Variants in NWD2 observed in about 807,000 individuals in gnomAD.
NWD2 encodes NACHT and WD repeat domain containing 2, also known as NACHT and WD repeat domain-containing protein 2.
In NWD2, 37 loss-of-function variants were observed where a neutral mutation model predicts 132.7. The ratio of observed to expected loss-of-function variants is 0.28; its 90% confidence interval spans 0.21 to 0.37. The LOEUF (loss-of-function observed/expected upper bound fraction) is 0.37, where lower values mean the gene tolerates loss of function less well. Ranked by LOEUF, NWD2 falls within the 10% of genes least tolerant of loss-of-function variation. The probability of loss-of-function intolerance (pLI) is 1.00; values close to 1 mark genes in which losing one functional copy is unlikely to be tolerated. For synonymous variants in NWD2, 705 were observed against 803.0 expected, an observed-to-expected ratio of 0.88 and a Z score of 2.06; for missense variants, 1,592 against 2,122.4, an observed-to-expected ratio of 0.75 and a Z score of 4.91.
intron 2 of NWD2, among the ~76,000 whole-genome samples, chr4:37,328,171 C>A (rs888609073): frequency 6.6e-6 from 1 of 152,162 alleles, no homozygotes; most frequent in Non-Finnish European, 1.5e-5. Context: ...TACTCACTGC[C>A]TTTATCTTCA....
intron 3 of NWD2, among the ~76,000 whole-genome samples, chr4:37,397,051 C>T (rs975410692): frequency 1.1e-4 from 17 of 151,372 alleles, no homozygotes; most frequent in African/African-American, 2.9e-4. Flanking sequence ...AAAAGCGAAG[C>T]AACTCCTCTG....
chr4:37,330,518 T>A (rs181811690), intron 2 of NWD2, among the ~76,000 whole-genome samples: 24 of 152,270 alleles, frequency 1.6e-4, no homozygotes, highest in African/African-American at 4.3e-4. Flanking sequence ...TACCCAGAGA[T>A]ACCATCCACT....
intron 3 of NWD2, 22 bp downstream of exon 3, chr4:37,356,504 C>T: frequency 1.5e-6 from 2 of 1,358,386 alleles, no homozygotes; most frequent in African/African-American, 1.4e-5. Context: ...AAAACTAATG[C>T]TTTATATTAA....
Position 37,439,269 on chromosome 4 carries a change from A to T in NWD2, c.1175A>T (p.Glu392Val), listed in dbSNP as rs1264960537. ...TYASFYEYKC[E>V]SLNIVHNYIL... ...GCCTCCTTCTATGAGTACAAATGTG[A>T]ATCTCTAAACATAGTGCATAACTAC... The change falls in exon 6 of 7, where the codon GAA becomes GTA. Residue 392 changes from glutamate to valine, a missense_variant. Transcript: ENST00000309447. This position sits in a 1 kb window ranked among gnomAD's most constrained non-coding sequence, Gnocchi z 4.5. 6.4e-7 allele frequency: 1 copy of T among 1,551,140 alleles called. No homozygotes were observed. Among genetic ancestry groups the T allele is most frequent in the Non-Finnish European group, 8.7e-7 (1 of 1,146,814 alleles).
At chr4:37,304,588 C>T (rs1718671334) in intron 1 of NWD2, among the ~76,000 whole-genome samples, 1 of 152,176 alleles carries the variant, frequency 6.6e-6, no homozygotes. Flanking sequence ...TGCTCCCATT[C>T]CAAAAGGGAG....
intron 1 of NWD2, among the ~76,000 whole-genome samples, chr4:37,304,250 G>A (rs1221835784): frequency 2.0e-5 from 3 of 152,098 alleles, no homozygotes; most frequent in Non-Finnish European, 4.4e-5. Context: ...ACAGCAAGGG[G>A]GAAGTTTGCC....
chr4:37,374,315 A>C (rs912030260), intron 3 of NWD2, among the ~76,000 whole-genome samples: 2 of 152,224 alleles, frequency 1.3e-5, no homozygotes, highest in African/African-American at 4.8e-5. Context: ...GACCAGAAGC[A>C]GATGCTGATG....
chr4:37,261,989 G>A (rs956562144), intron 1 of NWD2, among the ~76,000 whole-genome samples: 1 of 152,202 alleles, frequency 6.6e-6, no homozygotes, highest in East Asian at 1.9e-4. Context: ...TCAAGGAAGA[G>A]CAAGGTCATT....
intron 3 of NWD2, among the ~76,000 whole-genome samples, chr4:37,407,362 G>T (rs1721066031): frequency 6.6e-6 from 1 of 152,182 alleles, no homozygotes; most frequent in Admixed American, 6.5e-5. Context: ...AACAACATTA[G>T]TACCCAAGGA....
intron 3 of NWD2, among the ~76,000 whole-genome samples, chr4:37,426,015 C>G (rs1025033402): frequency 6.6e-6 from 1 of 152,198 alleles, no homozygotes; most frequent in African/African-American, 2.4e-5. Flanking sequence ...GGTCCATTGA[C>G]CGTATGAGCT....
chr4:37,382,469 C>G (rs746100230), intron 3 of NWD2, among the ~76,000 whole-genome samples: 149 of 152,260 alleles, frequency 9.8e-4, no homozygotes, highest in Non-Finnish European at 1.8e-3. Context: ...TTGACACATT[C>G]CTGCCTTGCA....
In NWD2 at chr4:37,424,785, C is replaced by G. The variant is rs536556411; in HGVS notation, c.358-5787C>G. Among the ~76,000 whole-genome samples the G allele has an allele frequency of 8.5e-4, 130 of 152,278 alleles. 1 individual carries two copies. The highest frequency in any genetic ancestry group is 1.5e-3 in the Non-Finnish European group (103 of 68,030). ...ATCCTCACCTGTCTTTCCTGACATC[C>G]CACCACAGAGTAAAGTCAAAGACAC... On this transcript the variant is annotated intron_variant, in intron 3 of 6. Transcript: ENST00000309447.
Position 37,341,755 on chromosome 4 carries a change from C to T in NWD2, c.241-14611C>T, listed in dbSNP as rs1157885488. 2.6e-5 allele frequency among the ~76,000 whole-genome samples: 4 copies of T among 152,264 alleles called. No individual in the cohort carries two copies. The East Asian group carries it at 7.7e-4, about 29-fold the overall frequency. On this transcript the variant is annotated intron_variant, in intron 2 of 6. Transcript: ENST00000309447. ...GTTCCTCAGATTTTCATCCGTAAAA[C>T]AGAATATTATTAATAGTTTTACCTA...
chr4:37,399,728 C>T (rs1720865352), intron 3 of NWD2, among the ~76,000 whole-genome samples: 5 of 152,212 alleles, frequency 3.3e-5, no homozygotes, highest in Admixed American at 3.3e-4. Flanking sequence ...TTCTTTAAGG[C>T]CTAAACTCTA....
intron 1 of NWD2, among the ~76,000 whole-genome samples, chr4:37,273,498 C>A (rs139304022): frequency 0.15 from 22,076 of 151,986 alleles, 1,725 homozygotes; most frequent in African/African-American, 0.2. Context: ...TTTAACACCC[C>A]ACTGTTAACA....
At chr4:37,416,101 T>G (rs902557974) in intron 3 of NWD2, among the ~76,000 whole-genome samples, 21 of 152,154 alleles carry the variant, frequency 1.4e-4, no homozygotes, top group Non-Finnish European at 2.9e-5. Context: ...TCAGACACAC[T>G]GACTAGGGCT....
At chr4:37,254,024 C>G (rs1456477274) in intron 1 of NWD2, among the ~76,000 whole-genome samples, 1 of 152,046 alleles carries the variant, frequency 6.6e-6, no homozygotes, top group African/African-American at 2.4e-5. Flanking sequence ...ACATAGAGGG[C>G]AACAACACAC....
At chr4:37,411,390 T>C (rs1435725358) in intron 3 of NWD2, among the ~76,000 whole-genome samples, 2 of 152,116 alleles carry the variant, frequency 1.3e-5, no homozygotes, top group Non-Finnish European at 2.9e-5. Context: ...CTAGAAGAAA[T>C]GGATAAATTC....
intron 1 of NWD2, among the ~76,000 whole-genome samples, chr4:37,308,569 T>A (rs1718763475): frequency 6.6e-6 from 1 of 152,080 alleles, no homozygotes; most frequent in Non-Finnish European, 1.5e-5. Context: ...CTGGGGAGCA[T>A]GCACAGGCAC....
Sources: allele counts gnomAD v4.1 joint callset (sites outside exome capture counted in the v4.1 genomes callset), GRCh38; gene constraint gnomAD v4.1.1; non-coding constraint Gnocchi (gnomAD v3.1); transcripts MANE v1.5; gene names NCBI Gene and HGNC (gene_info 2026-07-23, HGNC 2026-07-21).